Variants in CDK18 observed in about 807,000 individuals in gnomAD.
The protein encoded by CDK18 is cyclin-dependent kinase 18.
Under a neutral mutation model 62.0 loss-of-function variants are expected in CDK18, and 52 were observed. The ratio of observed to expected loss-of-function variants is 0.84; its 90% CI spans 0.67 to 1.06. The LOEUF (loss-of-function observed/expected upper bound fraction) is 1.06. CDK18 is among the 50% of genes least tolerant of loss of function. The pLI is 0.00. For synonymous variants in CDK18, 237 were observed against 247.0 expected, an observed-to-expected ratio of 0.96 and a Z score of 0.38; for missense variants, 604 against 619.9, an observed-to-expected ratio of 0.97 and a Z score of 0.27.
At chr1:205,511,718 G>A (rs965510034) in intron 1 of CDK18, among the ~76,000 whole-genome samples, 3 of 152,066 alleles carry the variant, frequency 2.0e-5, no homozygotes, top group Non-Finnish European at 2.9e-5. Flanking sequence ...TCCTGCATAC[G>A]TACAGCTTTT....
intron 1 of CDK18, among the ~76,000 whole-genome samples, chr1:205,515,696 G>A (rs556178579): frequency 2.0e-5 from 3 of 152,142 alleles, no homozygotes; most frequent in East Asian, 1.9e-4. Flanking sequence ...GCTAGACACC[G>A]TGTGTTCCTC....
At chr1:205,521,842 G>A (rs1360794083) in intron 1 of CDK18, among the ~76,000 whole-genome samples, 2 of 152,234 alleles carry the variant, frequency 1.3e-5, no homozygotes, top group African/African-American at 4.8e-5. Flanking sequence ...GGGCCTGGTC[G>A]CCTTGGCAAC....
chr1:205,513,129 A>G (rs1231401655), intron 1 of CDK18, among the ~76,000 whole-genome samples: 2 of 152,356 alleles, frequency 1.3e-5, no homozygotes, highest in East Asian at 1.9e-4. Context: ...TTCCTCTGGT[A>G]TTTAAGGAAG....
In CDK18 at chr1:205,528,790, T is replaced by G. The variant is rs886657783; in HGVS notation, c.975-209T>G. On this transcript the variant is annotated intron_variant, in intron 10 of 15. Transcript: ENST00000429964. The surrounding 1 kb of genome is among the most constrained non-coding windows in gnomAD (Gnocchi z 4.2). The stretch of plus-strand genomic sequence containing the variant: ...CCTCACAGAGTGAAAGTCGCAGCTT[T>G]CCCGAGCCCAGGGAAGCCCCCCAGA... 3.4e-5 allele frequency: 16 copies of G among 469,280 alleles called. No individual in the cohort carries two copies. The highest frequency in any genetic ancestry group is 3.0e-4 in the African/African-American group (15 of 50,840). The allele number at this position is 469,280 out of a possible 1,614,324, so 29.1% of individuals were successfully genotyped here.
At position 205,529,984 on chromosome 1, in the gene CDK18, T is replaced by C. The variant is rs1171659021; in HGVS notation, c.1222-275T>C. On this transcript the variant is annotated intron_variant, in intron 13 of 15. Transcript: ENST00000429964. ...ACGGATGTTCTCCATCTGATCATGGTTGGTTTGCATCTGTATTTCTATCCC... is the reference window on the plus strand; with the variant it reads ...ACGGATGTTCTCCATCTGATCATGGCTGGTTTGCATCTGTATTTCTATCCC... 2.9e-6 allele frequency: 4 copies of C among 1,395,844 alleles called. No homozygotes were observed. The East Asian group carries it at 1.1e-4, about 38-fold the overall frequency. The allele number at this position is 1,395,844 out of a possible 1,614,324, so 86.5% of individuals were successfully genotyped here.
chr1:205,515,246 G>A (rs56063497), intron 1 of CDK18, among the ~76,000 whole-genome samples: 20,944 of 139,998 alleles, frequency 0.15, 2,423 homozygotes, highest in East Asian at 0.66. Context: ...GCGCCATTTC[G>A]GCTCACCGCA....
At chr1:205,505,356 C>T (rs965418704) in intron 1 of CDK18, among the ~76,000 whole-genome samples, 1 of 151,782 alleles carries the variant, frequency 6.6e-6, no homozygotes, top group East Asian at 2.0e-4. Context: ...CTGGGAAGAA[C>T]GTGGAAGGAC....
intron 1 of CDK18, among the ~76,000 whole-genome samples, chr1:205,506,456 T>A (rs1667310739): frequency 6.6e-6 from 1 of 152,140 alleles, no homozygotes; most frequent in East Asian, 1.9e-4. Flanking sequence ...CCAGAAGAAG[T>A]TCTTCCCAAA....
Position 205,530,274 on chromosome 1 carries a change from C to T in CDK18, c.1237C>T (p.Arg413Cys), listed in dbSNP as rs756930864. ...SSLLLYESKS[R>C]MSAEAALSHS... Reference sequence around the variant, plus strand: ...TGCCTTTCAGTATGAATCCAAGAGTCGCATGTCAGCAGAGGCTGCCCTGAG... The same window carrying T: ...TGCCTTTCAGTATGAATCCAAGAGTTGCATGTCAGCAGAGGCTGCCCTGAG... Residue 413 changes from arginine (R) to cysteine (C), a missense_variant, in exon 14 of 16, where the codon CGC (arginine) becomes TGC (cysteine). Physicochemically the swap from Arg to Cys is radical, Grantham distance 180. Transcript: ENST00000429964. 24 of 1,612,798 alleles carry T rather than the reference C, an allele frequency of 1.5e-5. No homozygotes were observed. The highest frequency in any genetic ancestry group is 3.3e-4 in the Middle Eastern group (2 of 6,080).
At chr1:205,518,795 T>G (rs1351078492) in intron 1 of CDK18, among the ~76,000 whole-genome samples, 1 of 152,218 alleles carries the variant, frequency 6.6e-6, no homozygotes, top group Non-Finnish European at 1.5e-5. Context: ...TGGCTCCTCC[T>G]TCCTCCTTCT....
chr1:205,522,995 G>GTCGCCGTATCATTAAAAAA, intron 1 of CDK18, 152 bp from the exon 2 acceptor site: 1 of 771,366 alleles, frequency 1.3e-6, no homozygotes, highest in East Asian at 2.7e-5. Context: ...CCTCAGAGGG[G>GTCGCCGTATCATTAAAAAA]TCAAACTTTG....
chr1:205,529,171 A>G, intron 11 of CDK18, 75 bp downstream of exon 11: 1 of 1,424,110 alleles, frequency 7.0e-7, no homozygotes, highest in Non-Finnish European at 9.7e-7. Flanking sequence ...GCGGAGCGGG[A>G]CGGGGAGGAG....
At chr1:205,526,984 A>G (rs757249129) in intron 8 of CDK18, 147 bp downstream of exon 8, 61 of 666,816 alleles carry the variant, frequency 9.1e-5, no homozygotes, top group Admixed American at 1.4e-4. Flanking sequence ...CAATGCCATC[A>G]ACGAGTCCAG....
At chr1:205,529,816 G>A (rs1448147767) in intron 13 of CDK18, 2 of 1,404,404 alleles carry the variant, frequency 1.4e-6, no homozygotes, top group Admixed American at 2.3e-5. Flanking sequence ...CCATGCCTCA[G>A]TTTCCTCAGC....
chr1:205,512,796 T>C (rs768390496), intron 1 of CDK18, among the ~76,000 whole-genome samples: 3 of 151,384 alleles, frequency 2.0e-5, no homozygotes, highest in Non-Finnish European at 2.9e-5. Flanking sequence ...CTGGTGGGGG[T>C]GGAGTATAAA....
chr1:205,517,189 G>A lies in CDK18; in HGVS notation c.-21-5958G>A, dbSNP rs1312170908. Among the ~76,000 whole-genome samples the A allele has an allele frequency of 7.2e-5, 11 of 152,142 alleles. No homozygotes were observed. Among genetic ancestry groups the A allele is most frequent in the East Asian group, 3.9e-4 (2 of 5,194 alleles). On this transcript the variant is annotated intron_variant, in intron 1 of 15. Coordinates refer to ENST00000429964, the MANE Select transcript of CDK18 (RefSeq NM_212502.3). This position sits in a 1 kb window ranked among gnomAD's most constrained non-coding sequence, Gnocchi z 4.1. ...AGATGGGGCTTGTCTGCCAGTAGCC[G>A]GGGTTCCCTGCCTTGCACGGGCCCC...
At chr1:205,519,269 G>A (rs1298350493) in intron 1 of CDK18, among the ~76,000 whole-genome samples, 2 of 152,112 alleles carry the variant, frequency 1.3e-5, no homozygotes, top group African/African-American at 4.8e-5. Context: ...AATGACAGAG[G>A]CATCTTGTGT....
At position 205,531,637 on chromosome 1, in the gene CDK18, G is replaced by C; in HGVS notation, c.*259G>C. On this transcript the variant is annotated 3_prime_UTR_variant, in exon 16 of 16. Coordinates refer to ENST00000429964, the MANE Select transcript of CDK18 (RefSeq NM_212502.3). ...ATAAGCTGCTTCCCTGAGAGGACAT[G>C]AGGGGGGGGCGGTCCTCGTACCCTC... The C allele has an allele frequency of 2.0e-6, 1 of 504,636 alleles. No individual in the cohort carries two copies. Among genetic ancestry groups the C allele is most frequent in the South Asian group, 2.1e-5 (1 of 48,276 alleles). The allele number at this position is 504,636 out of a possible 1,614,324, so 31.3% of individuals were successfully genotyped here.
rs757273271 is a variant in CDK18, at chr1:205,519,808, GA to G, written c.-21-3338del. Among the ~76,000 whole-genome samples, 20 of 151,784 alleles carry G rather than the reference GA, an allele frequency of 1.3e-4. No individual in the cohort carries two copies. The East Asian group carries it at 3.7e-3, about 28-fold the overall frequency. ...GCAGAAATGGGGGGCCTCCTTCCCG[GA>G]GGCTTTTAATGAGCTCCCCTCCCCT... On this transcript the variant is annotated intron_variant, in intron 1 of 15. Coordinates refer to ENST00000429964, the MANE Select transcript of CDK18 (RefSeq NM_212502.3).
Sources: allele counts gnomAD v4.1 joint callset (sites outside exome capture counted in the v4.1 genomes callset), GRCh38; gene constraint gnomAD v4.1.1; non-coding constraint Gnocchi (gnomAD v3.1); transcripts MANE v1.5; gene names NCBI Gene and HGNC (gene_info 2026-07-23, HGNC 2026-07-21).